SMIM26: variants seen among roughly 807,000 people sequenced by gnomAD.
The protein encoded by SMIM26 is long intergenic non-protein coding RNA 493.
SMIM26 carries 2 observed loss-of-function variants against 2.5 expected under a neutral mutation model. The ratio of observed to expected loss-of-function variants is 0.80; its 90% CI spans 0.33 to 2.53. SMIM26 has a LOEUF of 2.53. SMIM26 is among the 30% of genes most tolerant of loss of function. The pLI, the probability that SMIM26 is intolerant of heterozygous loss-of-function variation, is 0.11. For synonymous variants in SMIM26, 32 were observed against 17.8 expected (o/e 1.80, Z -2.01); for missense variants, 77 against 46.1 (o/e 1.67, Z -1.94).
intron 1 of SMIM26, among the ~76,000 whole-genome samples, chr20:18,567,964 C>G (rs1045993937): frequency 8.5e-5 from 13 of 152,196 alleles, no homozygotes; most frequent in African/African-American, 3.1e-4. Context: ...AATTTCAGTA[C>G]TTTTAGCAGC....
intron 1 of SMIM26, among the ~76,000 whole-genome samples, chr20:18,568,029 G>C (rs1056668267): frequency 6.6e-6 from 1 of 152,154 alleles, no homozygotes; most frequent in African/African-American, 2.4e-5. Flanking sequence ...AAGTCTCTCA[G>C]CTTTGAAAAA....
At chr20:18,569,205 T>A in intron 1 of SMIM26, 31 bp from the exon 2 acceptor site, 1 of 77,960 alleles carries the variant, frequency 1.3e-5, no homozygotes, top group South Asian at 1.9e-4. Flanking sequence ...TCAGGTGTTC[T>A]TTTTTTTTTT....
At chr20:18,568,071 A>G (rs2060520526) in intron 1 of SMIM26, among the ~76,000 whole-genome samples, 1 of 152,124 alleles carries the variant, frequency 6.6e-6, no homozygotes, top group African/African-American at 2.4e-5. Flanking sequence ...CATTAAGTTG[A>G]TTAGTGTGGT....
At chr20:18,569,561 C>G, downstream of SMIM26, 1 of 578,026 alleles carries the variant, frequency 1.7e-6, no homozygotes, top group East Asian at 3.1e-5. Context: ...TTGAAGGAAA[C>G]TATCTGCGTT....
chr20:18,568,863 A>G (rs1199213462), intron 1 of SMIM26: 1 of 162,154 alleles, frequency 6.2e-6, no homozygotes, highest in Non-Finnish European at 1.3e-5. Flanking sequence ...TGTAACCTCC[A>G]TCTCCCAACT....
intron 1 of SMIM26, among the ~76,000 whole-genome samples, chr20:18,567,988 A>G (rs1391300023): frequency 6.6e-6 from 1 of 152,162 alleles, no homozygotes; most frequent in African/African-American, 2.4e-5. Flanking sequence ...GGCGTATTAA[A>G]ATCTTCCAGT....
chr20:18,567,441 G>A lies in SMIM26; in HGVS notation c.-38G>A, dbSNP rs546309639. ...CCTCACCGGAAGTCCCGCCTCTGCCGTGGGCCTGCGAGAATCGAGGCACTC... is the reference window on the plus strand; with the variant it reads ...CCTCACCGGAAGTCCCGCCTCTGCCATGGGCCTGCGAGAATCGAGGCACTC... On this transcript the variant is annotated 5_prime_UTR_variant, in exon 1 of 2. In the 5' UTR this introduces an upstream ATG that the reference lacks. Transcript: ENST00000411646. 4.3e-6 allele frequency: 3 copies of A among 702,602 alleles called. No homozygotes were observed. The highest frequency in any genetic ancestry group is 5.4e-5 in the East Asian group (2 of 37,286). The allele number at this position is 702,602 out of a possible 1,614,324, so 43.5% of individuals were successfully genotyped here. A position where few individuals can be genotyped will look rare whatever the true frequency, so the allele number is the denominator to read the frequency against.
intron 1 of SMIM26, chr20:18,568,938 G>C: frequency 4.1e-6 from 1 of 243,990 alleles, no homozygotes; most frequent in Non-Finnish European, 8.0e-6. Context: ...ACCACGCCCA[G>C]CTAATTTTTG....
rs1295221329 is a variant in SMIM26 at position 18,569,421 on chromosome 20, T to C, written c.*16T>C. Reference sequence around the variant, plus strand: ...AGAACCATGACTGGCTGCTGAATTCTGAAAACCAGGACTTGGTTCAACATT... The same window carrying C: ...AGAACCATGACTGGCTGCTGAATTCCGAAAACCAGGACTTGGTTCAACATT... On this transcript the variant is annotated 3_prime_UTR_variant, in exon 2 of 2. Transcript: ENST00000411646. The C allele has an allele frequency of 2.8e-6, 2 of 702,826 alleles. No homozygotes were observed. The highest frequency in any genetic ancestry group is 3.0e-5 in the South Asian group (2 of 67,610). The allele number at this position is 702,826 out of a possible 1,614,324, so 43.5% of individuals were successfully genotyped here.
chr20:18,568,002 T>C (rs996502080), intron 1 of SMIM26, among the ~76,000 whole-genome samples: 2 of 152,104 alleles, frequency 1.3e-5, no homozygotes, highest in South Asian at 2.1e-4. Context: ...TTCCAGTTAC[T>C]AAGCGCAAAG....
downstream of SMIM26, chr20:18,569,601 G>A: frequency 2.1e-6 from 1 of 476,658 alleles, no homozygotes; most frequent in South Asian, 2.1e-5. Context: ...TTGAGACGGA[G>A]TCTTGCTGTG....
chr20:18,569,365 A>G lies in SMIM26; in HGVS notation c.248A>G (p.Tyr83Cys), dbSNP rs1355360740. 1.4e-6 allele frequency: 1 copy of G among 702,914 alleles called. No homozygotes were observed. The highest frequency in any genetic ancestry group is 2.6e-6 in the Non-Finnish European group (1 of 384,990). 43.5% of individuals were successfully genotyped at this position (702,914 alleles called of 1,614,324 possible). Residue 83 changes from tyrosine (Y) to cysteine (C), a missense_variant, in exon 2 of 2, where the codon TAT becomes TGT. Transcript: ENST00000411646. ...FVPNTEKILNYWKSWTGGPGT... is the reference protein window; with the variant it reads ...FVPNTEKILNCWKSWTGGPGT... The stretch of plus-strand genomic sequence containing the variant: ...CCAAATACAGAAAAGATCCTCAACT[A>G]TTGGAAATCATGGACTGGTGGCCCT...
At chr20:18,567,767 T>G (rs6035077) in intron 1 of SMIM26, among the ~76,000 whole-genome samples, 171 bp downstream of exon 1, 36,878 of 152,186 alleles carry the variant, frequency 0.24, 4,790 homozygotes, top group East Asian at 0.43. Context: ...AGAACTAGAC[T>G]CCAGGAATTA....
chr20:18,569,055 C>G, intron 1 of SMIM26, 181 bp from the exon 2 acceptor site: 1 of 507,994 alleles, frequency 2.0e-6, no homozygotes. Context: ...ATTGGGATTA[C>G]AGGCGTGAGC....
chr20:18,569,340 C>T lies in SMIM26; in HGVS notation c.223C>T (p.Pro75Ser), dbSNP rs1303301991. 5.7e-6 allele frequency: 4 copies of T among 702,580 alleles called. No homozygotes were observed. 43.5% of individuals were successfully genotyped at this position (702,580 alleles called of 1,614,324 possible). A position where few individuals can be genotyped will look rare whatever the true frequency, so the allele number is the denominator to read the frequency against. ...TGTCACATATAAAGAAGATTTTGTTCCAAATACAGAAAAGATCCTCAACTA... is the reference window on the plus strand; with the variant it reads ...TGTCACATATAAAGAAGATTTTGTTTCAAATACAGAAAAGATCCTCAACTA... ...TVVTYKEDFV[P>S]NTEKILNYWK... Residue 75 changes from proline (P) to serine (S), a missense_variant, in exon 2 of 2, where the codon CCA becomes TCA. By Grantham distance (74) the Pro-to-Ser change is moderately conservative. Coordinates refer to ENST00000411646, the MANE Select transcript of SMIM26 (RefSeq NM_001348957.2).
chr20:18,568,056 A>G (rs1012678404), intron 1 of SMIM26, among the ~76,000 whole-genome samples: 6 of 152,178 alleles, frequency 3.9e-5, no homozygotes, highest in African/African-American at 9.7e-5. Flanking sequence ...GGAAATCTGT[A>G]GAGACATTAA....
At chr20:18,567,719 C>T in intron 1 of SMIM26, 123 bp downstream of exon 1, 1 of 644,792 alleles carries the variant, frequency 1.6e-6, no homozygotes, top group South Asian at 1.7e-5. Context: ...CTAATTGAAA[C>T]GGGTGCTAAC....
In SMIM26 at chr20:18,569,307, G is replaced by C. The variant is rs1401949365; in HGVS notation, c.190G>C (p.Glu64Gln). Reference sequence around the variant, plus strand: ...TGAACGCCCAAAAGGATTTTATGTGGAAACAGTTGTCACATATAAAGAAGA... The same window carrying C: ...TGAACGCCCAAAAGGATTTTATGTGCAAACAGTTGTCACATATAAAGAAGA... ...LSERPKGFYV[E>Q]TVVTYKEDFV... is the part of the protein sequence containing the mutation. The change falls in exon 2 of 2, where the codon GAA (glutamate) becomes CAA (glutamine). Residue 64 changes from glutamate to glutamine, a missense_variant. Physicochemically the swap from Glu to Gln is conservative, Grantham distance 29. Transcript: ENST00000411646. The C allele has an allele frequency of 2.8e-6, 2 of 702,634 alleles. No individual in the cohort carries two copies. The highest frequency in any genetic ancestry group is 3.0e-5 in the South Asian group (2 of 67,604). The allele number at this position is 702,634 out of a possible 1,614,324, so 43.5% of individuals were successfully genotyped here. A position where few individuals can be genotyped will look rare whatever the true frequency, so the allele number is the denominator to read the frequency against.
At chr20:18,567,742 T>C in intron 1 of SMIM26, 146 bp downstream of exon 1, 1 of 622,302 alleles carries the variant, frequency 1.6e-6, no homozygotes, top group East Asian at 2.7e-5. Context: ...CCGTTTGTTA[T>C]AATGGAATCT....
Sources: gnomAD v4.1 joint callset for allele counts (sites outside exome capture counted in the v4.1 genomes callset) on GRCh38, gnomAD v4.1.1 for gene constraint, MANE v1.5 for transcripts, NCBI Gene and HGNC (gene_info 2026-07-23, HGNC 2026-07-21) for gene names.